The following AHI1 variants were observed in gnomAD, a reference collection of about 807,000 sequenced individuals.
AHI1 encodes the protein Abelson helper integration site 1, also known as jouberin.
Under a neutral mutation model 149.3 loss-of-function variants are expected in AHI1, and 123 were observed. The observed-to-expected ratio is 0.82, with a 90% CI of 0.71 to 0.96. The LOEUF (loss-of-function observed/expected upper bound fraction) is 0.96. Ranked by LOEUF, AHI1 falls within the 40% of genes least tolerant of loss-of-function variation. AHI1 has a pLI of 0.00. For synonymous variants in AHI1, 475 were observed against 459.8 expected (o/e 1.03, Z -0.42); for missense variants, 1,439 against 1,422.7 (o/e 1.01, Z -0.18).
chr6:135,457,765 G>C, intron 8 of AHI1, 52 bp from the exon 9 acceptor site: 9 of 1,480,648 alleles, frequency 6.1e-6, no homozygotes, highest in Non-Finnish European at 8.5e-6. Flanking sequence ...TCCCATAGTA[G>C]TATTTACATA....
chr6:135,387,243 T>C (rs1371408448), intron 23 of AHI1, among the ~76,000 whole-genome samples: 1 of 152,172 alleles, frequency 6.6e-6, no homozygotes, highest in Non-Finnish European at 1.5e-5. Context: ...ATATGAAGTA[T>C]CTCAAGATTT....
At chr6:135,393,324 T>C (rs577743275) in intron 23 of AHI1, among the ~76,000 whole-genome samples, 1 of 152,278 alleles carries the variant, frequency 6.6e-6, no homozygotes, top group African/African-American at 2.4e-5. Flanking sequence ...CAGACAGACA[T>C]AAGATACTGC....
intron 23 of AHI1, among the ~76,000 whole-genome samples, chr6:135,367,035 C>G (rs1309222661): frequency 6.6e-6 from 1 of 152,120 alleles, no homozygotes; most frequent in Non-Finnish European, 1.5e-5. Flanking sequence ...ATTGTTGACC[C>G]AATGATCATT....
At chr6:135,356,745 A>G (rs975818850) in intron 24 of AHI1, among the ~76,000 whole-genome samples, 1 of 152,196 alleles carries the variant, frequency 6.6e-6, no homozygotes, top group African/African-American at 2.4e-5. Context: ...GATAACTGAA[A>G]CATACATACT....
intron 11 of AHI1, among the ~76,000 whole-genome samples, chr6:135,450,984 A>C (rs528814512): frequency 1.4e-5 from 2 of 145,000 alleles, no homozygotes; most frequent in East Asian, 4.3e-4. Flanking sequence ...TTTAAATTTT[A>C]ATTGTCTTCA....
chr6:135,394,141 T>C (rs900026113), intron 23 of AHI1, among the ~76,000 whole-genome samples: 6 of 152,020 alleles, frequency 3.9e-5, no homozygotes, highest in South Asian at 2.1e-4. Context: ...AATTCAGTAA[T>C]AGAAAAAATA....
intron 24 of AHI1, among the ~76,000 whole-genome samples, chr6:135,338,690 A>G (rs1185351576): frequency 2.6e-5 from 4 of 152,244 alleles, no homozygotes; most frequent in Admixed American, 6.5e-5. Flanking sequence ...CAGTAAAAAC[A>G]GCAAGCTTTG....
Position 135,394,770 on chromosome 6 carries a change from G to T in AHI1, c.3109+6C>A. 1 of 1,609,978 alleles carries T rather than the reference G, an allele frequency of 6.2e-7. No individual in the cohort carries two copies. Among genetic ancestry groups the T allele is most frequent in the South Asian group, 1.1e-5 (1 of 90,300 alleles). ...AAAGAATTGTCAAAGTAAGAAAGGG[G>T]CTCACCGGTCTGAGTGAAACCAAAC... On this transcript the variant is annotated splice_donor_region_variant and intron_variant, in intron 23 of 28. Coordinates refer to ENST00000265602, the MANE Select transcript of AHI1 (RefSeq NM_001134831.2).
At chr6:135,390,248 T>C (rs1438301798) in intron 23 of AHI1, among the ~76,000 whole-genome samples, 1 of 152,114 alleles carries the variant, frequency 6.6e-6, no homozygotes, top group African/African-American at 2.4e-5. Context: ...CTACATACCA[T>C]AATTACTGGA....
intron 7 of AHI1, among the ~76,000 whole-genome samples, chr6:135,465,554 C>G (rs1044485951): frequency 6.6e-6 from 1 of 152,190 alleles, no homozygotes; most frequent in African/African-American, 2.4e-5. Flanking sequence ...TAGTTCTGTA[C>G]TTCCATTTCC....
intron 20 of AHI1, among the ~76,000 whole-genome samples, chr6:135,422,653 ATG>A (rs1783361468): frequency 6.6e-6 from 1 of 151,560 alleles, no homozygotes. Context: ...GTATGTATGT[ATG>A]TATACATGTA....
chr6:135,404,867 C>T, intron 22 of AHI1, 84 bp downstream of exon 22: 4 of 1,283,002 alleles, frequency 3.1e-6, no homozygotes, highest in East Asian at 4.7e-5. Flanking sequence ...ATAAAGGTTC[C>T]AAACTCTATG....
At chr6:135,442,336 C>T (rs1329626750) in intron 14 of AHI1, among the ~76,000 whole-genome samples, 1 of 152,100 alleles carries the variant, frequency 6.6e-6, no homozygotes, top group Non-Finnish European at 1.5e-5. Context: ...CAAAAATCCT[C>T]CTGCATGTTT....
chr6:135,407,900 TGGCGGGCACCTGTAGTCCCAGCTAC>T (rs1309540181), intron 21 of AHI1, among the ~76,000 whole-genome samples: 44 of 152,022 alleles, frequency 2.9e-4, no homozygotes, highest in Admixed American at 5.9e-4. Flanking sequence ...TCGGGCGTGG[TGGCGGGCACCTGTAGTCCCAGCTAC>T]TCGGGAGGCT....
intron 12 of AHI1, among the ~76,000 whole-genome samples, chr6:135,447,980 T>G (rs1787505742): frequency 6.6e-6 from 1 of 152,222 alleles, no homozygotes; most frequent in Non-Finnish European, 1.5e-5. Context: ...GGCCAAAGCC[T>G]AAAATATTTA....
rs1788449025 is a variant in AHI1, at chr6:135,330,713, C to T, written c.3166-7389G>A. Reference sequence around the variant, plus strand: ...CCACATGCCGGCAGCCGAATCTAACCATTCAGTTAGGATTATTCCCTTAAC... The same window carrying T: ...CCACATGCCGGCAGCCGAATCTAACTATTCAGTTAGGATTATTCCCTTAAC... On this transcript the variant is annotated intron_variant, in intron 24 of 28. Coordinates refer to ENST00000265602, the MANE Select transcript of AHI1 (RefSeq NM_001134831.2). 2.0e-5 allele frequency among the ~76,000 whole-genome samples: 3 copies of T among 152,212 alleles called. No individual in the cohort carries two copies. In the South Asian group the frequency reaches 6.2e-4, roughly 32 times the overall value.
In AHI1 at chr6:135,450,254, T is replaced by C. The variant is rs573060853; in HGVS notation, c.1441-1779A>G. On this transcript the variant is annotated intron_variant, in intron 11 of 28. Transcript: ENST00000265602. Reference sequence around the variant, plus strand: ...TCAAGAGTGTGATATGTTAAATGCATAGATGTGACAAAATAACTAAAAAAT... The same window carrying C: ...TCAAGAGTGTGATATGTTAAATGCACAGATGTGACAAAATAACTAAAAAAT... 5.3e-5 allele frequency among the ~76,000 whole-genome samples: 8 copies of C among 152,126 alleles called. No individual in the cohort carries two copies. In the East Asian group the frequency reaches 1.3e-3, roughly 26 times the overall value.
intron 20 of AHI1, among the ~76,000 whole-genome samples, chr6:135,420,849 T>C (rs1221436588): frequency 1.3e-5 from 2 of 152,230 alleles, no homozygotes; most frequent in African/African-American, 4.8e-5. Flanking sequence ...CTTGGCTAAC[T>C]ATACGGCACA....
chr6:135,482,984 C>T lies in AHI1; in HGVS notation c.135+7639G>A, dbSNP rs138930291. On this transcript the variant is annotated intron_variant, in intron 5 of 28. Transcript: ENST00000265602. Reference sequence around the variant, plus strand: ...TCAGCTCACTGCAACCTCCACCTCCCGGCTTCAAGTAATTCTCCTGCCTCG... The same window carrying T: ...TCAGCTCACTGCAACCTCCACCTCCTGGCTTCAAGTAATTCTCCTGCCTCG... Among the ~76,000 whole-genome samples the T allele has an allele frequency of 2.0e-4, 29 of 143,690 alleles. No individual in the cohort carries two copies. In the East Asian group the frequency reaches 3.6e-3, roughly 18 times the overall value. The allele number at this position is 143,690 out of a possible 152,430, so 94.3% of individuals were successfully genotyped here.
Sources: allele counts gnomAD v4.1 joint callset (sites outside exome capture counted in the v4.1 genomes callset), GRCh38; gene constraint gnomAD v4.1.1; transcripts MANE v1.5; gene names NCBI Gene and HGNC (gene_info 2026-07-23, HGNC 2026-07-21).